The following LRRC4C variants were observed in gnomAD, a reference collection of about 807,000 sequenced individuals.
The protein encoded by LRRC4C is leucine-rich repeat-containing protein 4C.
In LRRC4C, 5 loss-of-function variants were observed where a neutral mutation model predicts 33.6. The observed-to-expected ratio is 0.15, with a 90% CI of 0.08 to 0.31. The LOEUF is 0.31. Among genes scored for constraint, LRRC4C ranks in the 10% least tolerant of loss-of-function variants. The probability of loss-of-function intolerance (pLI) is 1.00; values close to 1 mark genes in which losing one functional copy is unlikely to be tolerated. For missense variants in LRRC4C, 560 were observed against 796.7 expected (o/e 0.70, Z 3.58); for synonymous variants, 329 against 302.0 (o/e 1.09, Z -0.93).
At chr11:40,551,512 G>A (rs35341715) in intron 3 of LRRC4C, among the ~76,000 whole-genome samples, 50,254 of 151,674 alleles carry the variant, frequency 0.33, 10,276 homozygotes, top group East Asian at 0.65. Context: ...ATCCCTACCC[G>A]GGACTCCATT....
At chr11:40,627,074 G>GT (rs33969300) in intron 3 of LRRC4C, among the ~76,000 whole-genome samples, 2,491 of 112,384 alleles carry the variant, frequency 0.022, 73 homozygotes, top group African/African-American at 0.074. Flanking sequence ...CAGCTATACT[G>GT]TTTTTTTTTT....
intron 3 of LRRC4C, among the ~76,000 whole-genome samples, chr11:40,562,726 T>C (rs1161869123): frequency 1.3e-5 from 2 of 152,168 alleles, no homozygotes; most frequent in African/African-American, 4.8e-5. Flanking sequence ...CTTCAGACCC[T>C]CTGCAGAGTT....
At chr11:40,516,466 T>C (rs1218958492) in intron 3 of LRRC4C, among the ~76,000 whole-genome samples, 1 of 152,124 alleles carries the variant, frequency 6.6e-6, no homozygotes, top group African/African-American at 2.4e-5. Context: ...GTGCCTCTGC[T>C]TGGTGCTGTT....
chr11:40,225,843 T>C (rs1286105926), intron 5 of LRRC4C, among the ~76,000 whole-genome samples: 1 of 152,176 alleles, frequency 6.6e-6, no homozygotes, highest in Non-Finnish European at 1.5e-5. Flanking sequence ...GGTCTCGAAC[T>C]CCTGACCTCA....
intron 1 of LRRC4C, among the ~76,000 whole-genome samples, chr11:41,409,572 C>G (rs1326038360): frequency 2.0e-5 from 3 of 152,084 alleles, no homozygotes; most frequent in Non-Finnish European, 2.9e-5. Context: ...CATGTTAATT[C>G]CCAAGGTTAA....
chr11:40,626,369 G>A (rs922514857), intron 3 of LRRC4C, among the ~76,000 whole-genome samples: 1 of 151,966 alleles, frequency 6.6e-6, no homozygotes, highest in Non-Finnish European at 1.5e-5. Flanking sequence ...CTTATTGGTA[G>A]CAAAATACTA....
Position 40,889,312 on chromosome 11 carries a change from G to C in LRRC4C, c.-407+44323C>G, listed in dbSNP as rs575719822. The stretch of plus-strand genomic sequence containing the variant: ...AATGTGAATTAAAGATTGAAAAACA[G>C]TAAAACAGTATGCTTCAATTTTTAT... On this transcript the variant is annotated intron_variant, in intron 2 of 6. Transcript: ENST00000528697. 1.9e-4 allele frequency among the ~76,000 whole-genome samples: 29 copies of C among 152,152 alleles called. 1 individual carries two copies. In the South Asian group the frequency reaches 5.0e-3, roughly 26 times the overall value.
intron 3 of LRRC4C, among the ~76,000 whole-genome samples, chr11:40,532,868 G>C (rs775490660): frequency 6.6e-6 from 1 of 152,092 alleles, no homozygotes; most frequent in Non-Finnish European, 1.5e-5. Context: ...GGCTGGAGAG[G>C]CCTCAAGAAA....
intron 3 of LRRC4C, among the ~76,000 whole-genome samples, chr11:40,510,088 G>T (rs1240764697): frequency 6.6e-6 from 1 of 151,858 alleles, no homozygotes; most frequent in African/African-American, 2.4e-5. Flanking sequence ...AGGGGTTCTT[G>T]TTTTACATTT....
At chr11:40,757,565 C>A (rs906028074) in intron 2 of LRRC4C, among the ~76,000 whole-genome samples, 5 of 149,278 alleles carry the variant, frequency 3.3e-5, no homozygotes, top group Non-Finnish European at 5.9e-5. Context: ...TACCTGCTTC[C>A]CAAGTTGTAT....
At chr11:40,508,314 G>T (rs944186304) in intron 3 of LRRC4C, among the ~76,000 whole-genome samples, 4 of 152,160 alleles carry the variant, frequency 2.6e-5, no homozygotes, top group Non-Finnish European at 5.9e-5. Context: ...TTTGCAATGA[G>T]AATTTGTTAC....
chr11:40,401,687 C>A (rs1949765703), intron 3 of LRRC4C, among the ~76,000 whole-genome samples: 1 of 152,066 alleles, frequency 6.6e-6, no homozygotes, highest in South Asian at 2.1e-4. Context: ...GTGTGTTGCC[C>A]TCTACAGCCC....
At chr11:40,311,623 T>C (rs1332065403) in intron 4 of LRRC4C, among the ~76,000 whole-genome samples, 1 of 152,164 alleles carries the variant, frequency 6.6e-6, no homozygotes, top group Non-Finnish European at 1.5e-5. Context: ...TTCCAAAAGG[T>C]TGCCACTTGC....
intron 2 of LRRC4C, among the ~76,000 whole-genome samples, chr11:40,717,784 A>G (rs1302421086): frequency 1.3e-5 from 2 of 152,184 alleles, no homozygotes; most frequent in Admixed American, 1.3e-4. Context: ...ATATTAAATC[A>G]AACTCTATCT....
chr11:40,251,143 A>G lies in LRRC4C; in HGVS notation c.-175-9545T>C, dbSNP rs75393264. On this transcript the variant is annotated intron_variant, in intron 4 of 6. Transcript: ENST00000528697. ...TCAGAAAGGAGGTCACTGAGAACCA[A>G]TGTACATAATCTTTTACCCATTGCA... 6.8e-3 allele frequency among the ~76,000 whole-genome samples: 1,039 copies of G among 152,290 alleles called. 9 individuals are homozygous for G. Among genetic ancestry groups the G allele is most frequent in the African/African-American group, 0.024 (982 of 41,556 alleles).
chr11:41,117,261 G>T (rs1048109421), intron 1 of LRRC4C, among the ~76,000 whole-genome samples: 4 of 152,122 alleles, frequency 2.6e-5, no homozygotes, highest in African/African-American at 9.7e-5. Flanking sequence ...CTGCAGCACT[G>T]AGAACTAAAT....
At chr11:40,730,155 T>G (rs1317673085) in intron 2 of LRRC4C, among the ~76,000 whole-genome samples, 1 of 152,240 alleles carries the variant, frequency 6.6e-6, no homozygotes, top group South Asian at 2.1e-4. Flanking sequence ...TAATGCTAGA[T>G]GACAAGTTAG....
At chr11:40,197,337 C>T (rs1247379621) in intron 5 of LRRC4C, among the ~76,000 whole-genome samples, 1 of 152,148 alleles carries the variant, frequency 6.6e-6, no homozygotes, top group Non-Finnish European at 1.5e-5. Flanking sequence ...CCTATCATAT[C>T]AATTCACAGG....
chr11:40,962,676 A>G (rs970530593), intron 1 of LRRC4C, among the ~76,000 whole-genome samples: 18 of 151,878 alleles, frequency 1.2e-4, no homozygotes, highest in African/African-American at 4.3e-4. Flanking sequence ...GAAAACATAT[A>G]TACAAATATG....
Sources: allele counts gnomAD v4.1 joint callset (sites outside exome capture counted in the v4.1 genomes callset), GRCh38; gene constraint gnomAD v4.1.1; transcripts MANE v1.5; gene names NCBI Gene and HGNC (gene_info 2026-07-23, HGNC 2026-07-21).